CENPP: variants seen among roughly 807,000 people sequenced by gnomAD.
The protein encoded by CENPP is centromere protein P.
Under a neutral mutation model 35.6 loss-of-function variants are expected in CENPP, and 24 were observed. The ratio of observed to expected loss-of-function variants is 0.67; its 90% confidence interval spans 0.49 to 0.95. The LOEUF is 0.95. CENPP is among the 40% of genes least tolerant of loss of function. The pLI is 0.00. For synonymous variants in CENPP, 120 were observed against 125.5 expected, an observed-to-expected ratio of 0.96 and a Z score of 0.29; for missense variants, 332 against 345.3, an observed-to-expected ratio of 0.96 and a Z score of 0.31.
chr9:92,443,739 G>A (rs923550382), intron 5 of CENPP, among the ~76,000 whole-genome samples: 9 of 151,682 alleles, frequency 5.9e-5, no homozygotes, highest in East Asian at 1.9e-4. Context: ...GGCTCACTGC[G>A]ACCTCCACCT....
chr9:92,544,712 A>AT (rs150281438), intron 5 of CENPP, among the ~76,000 whole-genome samples: 25,732 of 132,192 alleles, frequency 0.19, 3,480 homozygotes, highest in East Asian at 0.64. Flanking sequence ...ATCACTATAA[A>AT]TTTTTTTTTT....
intron 1 of CENPP, among the ~76,000 whole-genome samples, chr9:92,326,433 G>A (rs923029604): frequency 1.3e-5 from 2 of 152,332 alleles, no homozygotes; most frequent in South Asian, 2.1e-4. Flanking sequence ...ACTCCGTTTG[G>A]TTTCATGGCA....
At chr9:92,403,625 G>T in intron 5 of CENPP, 1 of 1,194,466 alleles carries the variant, frequency 8.4e-7, no homozygotes, top group Non-Finnish European at 1.0e-6. Flanking sequence ...ATGTATCAGT[G>T]AACATTCTGA....
At chr9:92,490,797 G>T (rs1465385272) in intron 5 of CENPP, among the ~76,000 whole-genome samples, 2 of 152,176 alleles carry the variant, frequency 1.3e-5, no homozygotes, top group African/African-American at 4.8e-5. Context: ...GCTTTCTGAG[G>T]TCCTTGTCAG....
At chr9:92,571,088 G>A (rs1176151078) in intron 5 of CENPP, among the ~76,000 whole-genome samples, 1 of 151,886 alleles carries the variant, frequency 6.6e-6, no homozygotes, top group Admixed American at 6.6e-5. Context: ...CTTCAGTTCT[G>A]CTCTGATCTT....
At chr9:92,470,892 A>G (rs1046952059) in intron 5 of CENPP, 36 of 706,168 alleles carry the variant, frequency 5.1e-5, no homozygotes, top group Admixed American at 2.0e-4. Context: ...CAAGTTACAG[A>G]TGACTTAACA....
chr9:92,329,968 G>A (rs1481839694), intron 1 of CENPP, among the ~76,000 whole-genome samples: 1 of 152,144 alleles, frequency 6.6e-6, no homozygotes, highest in Non-Finnish European at 1.5e-5. Flanking sequence ...TTTTAAATTA[G>A]CATTAAAACA....
chr9:92,552,493 C>T (rs1280983484), intron 5 of CENPP, among the ~76,000 whole-genome samples: 2 of 152,116 alleles, frequency 1.3e-5, no homozygotes, highest in African/African-American at 2.4e-5. Flanking sequence ...TCACCGCATC[C>T]ATGCCAACAT....
chr9:92,487,701 A>G (rs1269387072), intron 5 of CENPP, among the ~76,000 whole-genome samples: 1 of 152,090 alleles, frequency 6.6e-6, no homozygotes, highest in Non-Finnish European at 1.5e-5. Flanking sequence ...ACACACCTAT[A>G]TATGGTGGCA....
chr9:92,447,372 T>A (rs368009887), intron 5 of CENPP, among the ~76,000 whole-genome samples: 3 of 151,820 alleles, frequency 2.0e-5, no homozygotes, highest in East Asian at 3.9e-4. Context: ...AGACAGTAGA[T>A]TCTCATAAGG....
chr9:92,381,110 C>T (rs576898748), intron 5 of CENPP, among the ~76,000 whole-genome samples: 1 of 152,248 alleles, frequency 6.6e-6, no homozygotes, highest in South Asian at 2.1e-4. Flanking sequence ...CTGAAACATA[C>T]CCATTAAACA....
chr9:92,539,194 G>A (rs1291872938), intron 5 of CENPP: 1 of 152,194 alleles, frequency 6.6e-6, no homozygotes, highest in African/African-American at 2.4e-5. Flanking sequence ...GTGGAGTAGG[G>A]CGAGGTAAAA....
chr9:92,585,499 G>T (rs1850518836), intron 5 of CENPP, among the ~76,000 whole-genome samples: 1 of 152,166 alleles, frequency 6.6e-6, no homozygotes, highest in Admixed American at 6.5e-5. Flanking sequence ...GTATGGACTT[G>T]ATTTCATTTC....
At chr9:92,522,046 T>C (rs1198741935) in intron 5 of CENPP, among the ~76,000 whole-genome samples, 3 of 152,134 alleles carry the variant, frequency 2.0e-5, no homozygotes, top group Non-Finnish European at 4.4e-5. Context: ...TTCCTTAAGT[T>C]GTTTTTGGTT....
intron 5 of CENPP, among the ~76,000 whole-genome samples, chr9:92,531,251 T>G (rs73522328): frequency 0.014 from 2,118 of 152,228 alleles, 57 homozygotes; most frequent in African/African-American, 0.048. Context: ...ATTTCATTAG[T>G]AATTATACAC....
At chr9:92,343,075 AAAAGTAATCT>A (rs1439839437) in intron 3 of CENPP, among the ~76,000 whole-genome samples, 1 of 152,234 alleles carries the variant, frequency 6.6e-6, no homozygotes, top group Admixed American at 6.5e-5. Context: ...CTGAAAATTA[AAAAGTAATCT>A]AAATAGTAAA....
At chr9:92,364,812 C>T (rs1841846414) in intron 4 of CENPP, among the ~76,000 whole-genome samples, 1 of 152,156 alleles carries the variant, frequency 6.6e-6, no homozygotes, top group Non-Finnish European at 1.5e-5. Flanking sequence ...TGGTAGAGTA[C>T]ATGCTATAGG....
chr9:92,550,208 C>T (rs1849559036), intron 5 of CENPP, among the ~76,000 whole-genome samples: 1 of 152,120 alleles, frequency 6.6e-6, no homozygotes, highest in Non-Finnish European at 1.5e-5. Context: ...CCATCCTGGC[C>T]AACATGGCGA....
Position 92,407,452 on chromosome 9 carries a change from C to T in CENPP, c.564+27593C>T, listed in dbSNP as rs564098406. Among the ~76,000 whole-genome samples the T allele has an allele frequency of 5.3e-5, 8 of 152,290 alleles. 1 individual carries two copies. The South Asian group carries it at 1.5e-3, about 28-fold the overall frequency. On this transcript the variant is annotated intron_variant, in intron 5 of 7. Coordinates refer to ENST00000375587, the MANE Select transcript of CENPP (RefSeq NM_001012267.3). ...GCCAAAATCTTTACTACACAGTACT[C>T]AATATAAAATGCTTGAAACTGAGGT... is the stretch of plus-strand genomic sequence containing the variant.
Sources: gnomAD v4.1 joint callset for allele counts (sites outside exome capture counted in the v4.1 genomes callset) on GRCh38, gnomAD v4.1.1 for gene constraint, MANE v1.5 for transcripts, NCBI Gene and HGNC (gene_info 2026-07-23, HGNC 2026-07-21) for gene names.